DISC1: variants seen among roughly 807,000 people sequenced by gnomAD.
DISC1 encodes the protein disrupted in schizophrenia 1 protein.
In DISC1, 57 loss-of-function variants were observed where a neutral mutation model predicts 84.5. That is an observed-to-expected ratio of 0.67 (90% CI 0.55 to 0.84). The LOEUF is 0.84. Among genes scored for constraint, DISC1 ranks in the 40% least tolerant of loss-of-function variants. The pLI is 0.00. For missense variants in DISC1, 1,000 were observed against 1,057.8 expected (o/e 0.95, Z 0.76); for synonymous variants, 411 against 415.2 (o/e 0.99, Z 0.12).
intron 3 of DISC1, among the ~76,000 whole-genome samples, chr1:231,718,450 T>G (rs76267202): frequency 6.6e-6 from 1 of 151,710 alleles, no homozygotes; most frequent in South Asian, 2.1e-4. Flanking sequence ...TTTTTTTTTT[T>G]TTTGAGTTGC....
At chr1:232,003,473 C>T (rs186450197) in intron 10 of DISC1, among the ~76,000 whole-genome samples, 1 of 151,924 alleles carries the variant, frequency 6.6e-6, no homozygotes, top group Non-Finnish European at 1.5e-5. Flanking sequence ...ATAAAACAAC[C>T]AATAAAACTA....
intron 11 of DISC1, among the ~76,000 whole-genome samples, chr1:232,014,270 T>G (rs1668283055): frequency 6.6e-6 from 1 of 152,184 alleles, no homozygotes; most frequent in Admixed American, 6.5e-5. Flanking sequence ...AGCTGGAAAC[T>G]CACTTTGACT....
intron 4 of DISC1, among the ~76,000 whole-genome samples, chr1:231,766,782 G>T (rs1558507241): frequency 6.6e-6 from 1 of 152,136 alleles, no homozygotes; most frequent in Admixed American, 6.5e-5. Context: ...TATTACGAAT[G>T]AGTTATTTTG....
intron 10 of DISC1, among the ~76,000 whole-genome samples, chr1:231,963,726 A>G (rs1210632189): frequency 1.3e-5 from 2 of 152,206 alleles, no homozygotes; most frequent in East Asian, 3.9e-4. Context: ...TAAAGAAGGA[A>G]AAGCTTTATT....
chr1:231,995,638 A>G (rs9793391), intron 10 of DISC1, among the ~76,000 whole-genome samples: 7,819 of 151,730 alleles, frequency 0.052, 196 homozygotes, highest in East Asian at 0.2. Context: ...GTGATTTCCA[A>G]TTTCATCCAT....
At chr1:231,641,598 G>A (rs2059689033) in intron 1 of DISC1, among the ~76,000 whole-genome samples, 2 of 152,232 alleles carry the variant, frequency 1.3e-5, no homozygotes, top group African/African-American at 2.4e-5. Flanking sequence ...TGCCGCTGCT[G>A]GCGCCTGCAG....
rs191502105 is a variant in DISC1 at position 232,021,772 on chromosome 1, G to A, written c.2308-4663G>A. ...AAAAGAACTATTTATGATATTCGTGGATCTGTAGATCAGAAATTGGGGTGG... is the reference window on the plus strand; with the variant it reads ...AAAAGAACTATTTATGATATTCGTGAATCTGTAGATCAGAAATTGGGGTGG... On this transcript the variant is annotated intron_variant, in intron 11 of 12. Transcript: ENST00000439617. Among the ~76,000 whole-genome samples the A allele has an allele frequency of 2.1e-4, 32 of 152,296 alleles. No individual in the cohort carries two copies. The East Asian group carries it at 5.8e-3, about 28-fold the overall frequency.
At chr1:231,910,469 A>G (rs982134566) in intron 9 of DISC1, among the ~76,000 whole-genome samples, 5 of 152,124 alleles carry the variant, frequency 3.3e-5, no homozygotes, top group African/African-American at 9.7e-5. Flanking sequence ...TTCAGTTTCT[A>G]TGTAGTTGAG....
chr1:231,840,441 T>C (rs1182636166), intron 9 of DISC1, among the ~76,000 whole-genome samples: 1 of 152,198 alleles, frequency 6.6e-6, no homozygotes, highest in Non-Finnish European at 1.5e-5. Context: ...CAAACTATGG[T>C]ACCTTCACAT....
Position 232,031,308 on chromosome 1 carries a change from G to A in DISC1, c.2425+4756G>A, listed in dbSNP as rs1015288397. On this transcript the variant is annotated intron_variant, in intron 12 of 12. Coordinates refer to ENST00000439617, the MANE Select transcript of DISC1 (RefSeq NM_018662.3). The surrounding 1 kb of genome is among the most constrained non-coding windows in gnomAD (Gnocchi z 4.6). ...AGAAAAGAGGAAGGAAGGAAGGAGA[G>A]AGGGAAGGAGAGAAAAGGAAAGGAA... 1.4e-5 allele frequency among the ~76,000 whole-genome samples: 2 copies of A among 145,884 alleles called. No individual in the cohort carries two copies. The highest frequency in any genetic ancestry group is 7.0e-5 in the Admixed American group (1 of 14,360).
intron 12 of DISC1, among the ~76,000 whole-genome samples, chr1:232,036,101 A>T (rs1670492802): frequency 6.6e-6 from 1 of 152,200 alleles, no homozygotes; most frequent in South Asian, 2.1e-4. Flanking sequence ...ACTAACAGAT[A>T]ACAGCAGGTT....
Position 231,826,024 on chromosome 1 carries a change from CA to C in DISC1, c.1981+7508del, listed in dbSNP as rs1195193691. Among the ~76,000 whole-genome samples, 1 of 152,224 alleles carries C rather than the reference CA, an allele frequency of 6.6e-6. No homozygotes were observed. The highest frequency in any genetic ancestry group is 2.4e-5 in the African/African-American group (1 of 41,464). On this transcript the variant is annotated intron_variant, in intron 9 of 12. Transcript: ENST00000439617. This position sits in a 1 kb window ranked among gnomAD's most constrained non-coding sequence, Gnocchi z 4.2. ...AAAGGAATGATCCCTTGTACGAAGT[CA>C]CCCTCTTTTTAGTAACAAAGACTTA...
At chr1:231,952,894 G>T (rs1378412763) in intron 9 of DISC1, among the ~76,000 whole-genome samples, 1 of 151,976 alleles carries the variant, frequency 6.6e-6, no homozygotes, top group African/African-American at 2.4e-5. Flanking sequence ...GGCCTCCCCT[G>T]AATTTAGTGT....
chr1:231,915,077 C>T (rs907006247), intron 9 of DISC1, among the ~76,000 whole-genome samples: 1 of 152,194 alleles, frequency 6.6e-6, no homozygotes, highest in African/African-American at 2.4e-5. Flanking sequence ...CAACTATGCG[C>T]CTCCAGCCAT....
At chr1:231,778,360 T>G (rs1054696842) in intron 6 of DISC1, among the ~76,000 whole-genome samples, 3 of 152,204 alleles carry the variant, frequency 2.0e-5, no homozygotes, top group African/African-American at 7.2e-5. Flanking sequence ...ACTTTGCACT[T>G]TAGTATTTTA....
At chr1:231,779,055 C>T (rs997570180) in intron 6 of DISC1, among the ~76,000 whole-genome samples, 1 of 152,134 alleles carries the variant, frequency 6.6e-6, no homozygotes. Context: ...ATAAACAAGA[C>T]CTAAGGCCAT....
intron 3 of DISC1, among the ~76,000 whole-genome samples, chr1:231,749,458 G>A (rs971059862): frequency 2.0e-5 from 3 of 152,096 alleles, no homozygotes; most frequent in African/African-American, 4.8e-5. Flanking sequence ...GGTAGAATTC[G>A]AACATCATTT....
chr1:232,017,285 G>C (rs821648), intron 11 of DISC1, among the ~76,000 whole-genome samples: 51,267 of 151,978 alleles, frequency 0.34, 8,935 homozygotes, highest in East Asian at 0.42. Context: ...CCTCAAGCCA[G>C]AGGAGAAGGA....
Position 231,771,082 on chromosome 1 carries a change from T to A in DISC1, c.1634+12T>A. 1 of 1,571,026 alleles carries A rather than the reference T, an allele frequency of 6.4e-7. No individual in the cohort carries two copies. Among genetic ancestry groups the A allele is most frequent in the Non-Finnish European group, 8.7e-7 (1 of 1,155,418 alleles). On this transcript the variant is annotated intron_variant, in intron 6 of 12. Coordinates refer to ENST00000439617, the MANE Select transcript of DISC1 (RefSeq NM_018662.3). The stretch of plus-strand genomic sequence containing the variant: ...GAAACCATAAGGAGGTACTGCTGAT[T>A]TCCTAACTGATTTTGGGTCGCTCGC...
Sources: gnomAD v4.1 joint callset for allele counts (sites outside exome capture counted in the v4.1 genomes callset) on GRCh38, gnomAD v4.1.1 for gene constraint, Gnocchi (gnomAD v3.1) non-coding constraint, MANE v1.5 for transcripts, NCBI Gene and HGNC (gene_info 2026-07-23, HGNC 2026-07-21) for gene names.